The following SYT1 variants were observed in gnomAD, a reference collection of about 807,000 sequenced individuals.
SYT1 encodes synaptotagmin 1, also known as synaptotagmin-1.
In SYT1, 8 loss-of-function variants were observed where a neutral mutation model predicts 44.8. The observed-to-expected ratio is 0.18, with a 90% CI of 0.10 to 0.32. The LOEUF is 0.32. SYT1 is among the 10% of genes least tolerant of loss of function. SYT1 has a pLI of 1.00. For synonymous variants in SYT1, 154 were observed against 188.8 expected (o/e 0.82, Z 1.51); for missense variants, 286 against 509.3 (o/e 0.56, Z 4.22).
At chr12:78,944,473 T>C (rs1287715731) in intron 1 of SYT1, among the ~76,000 whole-genome samples, 2 of 152,114 alleles carry the variant, frequency 1.3e-5, no homozygotes, top group Admixed American at 6.6e-5. Context: ...TATTTGTAAG[T>C]GGACTTCATT....
chr12:79,231,704 T>G (rs949168379), intron 4 of SYT1, among the ~76,000 whole-genome samples: 1 of 152,152 alleles, frequency 6.6e-6, no homozygotes, highest in African/African-American at 2.4e-5. Context: ...AATTAATTAT[T>G]TAATGTAAAA....
intron 3 of SYT1, among the ~76,000 whole-genome samples, chr12:79,159,792 C>T (rs1017087790): frequency 2.0e-5 from 3 of 151,888 alleles, no homozygotes; most frequent in African/African-American, 7.3e-5. Flanking sequence ...TTTAAGAAAT[C>T]CTAAGAAAGA....
At chr12:78,953,223 A>G (rs2137303124) in intron 1 of SYT1, among the ~76,000 whole-genome samples, 1 of 152,162 alleles carries the variant, frequency 6.6e-6, no homozygotes, top group Non-Finnish European at 1.5e-5. Flanking sequence ...TTTTAACATT[A>G]AAGGATGAGA....
intron 3 of SYT1, among the ~76,000 whole-genome samples, chr12:79,053,056 A>G (rs1333543710): frequency 2.0e-5 from 3 of 152,128 alleles, no homozygotes; most frequent in African/African-American, 4.8e-5. Context: ...ACATGTGCAC[A>G]TGTATGTTTA....
chr12:79,353,307 G>T (rs1882984409), intron 8 of SYT1, among the ~76,000 whole-genome samples, 195 bp from the exon 9 acceptor site: 1 of 150,782 alleles, frequency 6.6e-6, no homozygotes, highest in Non-Finnish European at 1.5e-5. Flanking sequence ...GAAATAGATG[G>T]TCTTAAAAAA....
At chr12:79,323,533 A>G (rs1449855834) in intron 8 of SYT1, among the ~76,000 whole-genome samples, 2 of 152,238 alleles carry the variant, frequency 1.3e-5, no homozygotes, top group African/African-American at 4.8e-5. Context: ...CGAAAACGTC[A>G]GTCCAGAGAT....
intron 1 of SYT1, among the ~76,000 whole-genome samples, chr12:78,975,765 G>C (rs1455433641): frequency 6.6e-6 from 1 of 152,156 alleles, no homozygotes; most frequent in Non-Finnish European, 1.5e-5. Context: ...TCTGATTCTG[G>C]TGGCCATTCC....
At chr12:79,410,649 G>A (rs1256739814) in intron 9 of SYT1, among the ~76,000 whole-genome samples, 2 of 151,832 alleles carry the variant, frequency 1.3e-5, no homozygotes, top group Non-Finnish European at 2.9e-5. Context: ...GAAGGCCTCT[G>A]TATTTTAATA....
chr12:78,877,323 A>G (rs1874227641), intron 1 of SYT1, among the ~76,000 whole-genome samples: 2 of 151,624 alleles, frequency 1.3e-5, no homozygotes, highest in Non-Finnish European at 3.0e-5. Context: ...CTTATTCACT[A>G]TCATGAGAAC....
chr12:79,047,079 C>G (rs1046608327), intron 2 of SYT1, among the ~76,000 whole-genome samples: 6 of 151,718 alleles, frequency 4.0e-5, no homozygotes, highest in African/African-American at 1.4e-4. Flanking sequence ...TATAAACTAT[C>G]CACAGACTCT....
At chr12:79,329,499 T>C (rs1881760713) in intron 8 of SYT1, among the ~76,000 whole-genome samples, 1 of 152,240 alleles carries the variant, frequency 6.6e-6, no homozygotes, top group Non-Finnish European at 1.5e-5. Flanking sequence ...ATGGGAATGC[T>C]ACTGTACTTG....
chr12:79,258,408 G>T (rs1017332968), intron 4 of SYT1, among the ~76,000 whole-genome samples: 1 of 152,144 alleles, frequency 6.6e-6, no homozygotes, highest in Non-Finnish European at 1.5e-5. Flanking sequence ...TTCTTCCAAG[G>T]ATAGAGTGTG....
chr12:79,382,132 A>G (rs1415271254), intron 9 of SYT1, among the ~76,000 whole-genome samples: 1 of 152,170 alleles, frequency 6.6e-6, no homozygotes, highest in Non-Finnish European at 1.5e-5. Flanking sequence ...TACAGATGAA[A>G]ATGACACAGT....
intron 4 of SYT1, among the ~76,000 whole-genome samples, chr12:79,250,475 A>G (rs907045598): frequency 6.6e-5 from 10 of 152,154 alleles, no homozygotes; most frequent in African/African-American, 1.7e-4. Flanking sequence ...AAATATTTCA[A>G]ATTTGAGGGT....
At chr12:78,864,647 C>A (rs1213176986), upstream of SYT1, 3 of 152,316 alleles carry the variant, frequency 2.0e-5, no homozygotes, top group East Asian at 5.9e-4. Context: ...GGCTCCTTGG[C>A]GCAGCGTACC....
chr12:78,958,317 G>GT (rs139992453), intron 1 of SYT1, among the ~76,000 whole-genome samples: 2,042 of 150,894 alleles, frequency 0.014, 49 homozygotes, highest in African/African-American at 0.043. Context: ...TCCTTGCCAT[G>GT]TTTTTTTTTC....
At chr12:79,119,839 A>T (rs1879497767) in intron 3 of SYT1, among the ~76,000 whole-genome samples, 2 of 151,862 alleles carry the variant, frequency 1.3e-5, no homozygotes. Context: ...AAATAGCTTT[A>T]TTCTCCCCTT....
intron 1 of SYT1, among the ~76,000 whole-genome samples, chr12:78,902,611 CAGG>C (rs1031858944): frequency 2.5e-4 from 38 of 152,098 alleles, no homozygotes; most frequent in African/African-American, 8.4e-4. Context: ...ATATTTTTTC[CAGG>C]AGGTTTCTCA....
intron 3 of SYT1, among the ~76,000 whole-genome samples, chr12:79,183,308 C>T (rs373413496): frequency 2.6e-5 from 4 of 152,038 alleles, no homozygotes; most frequent in East Asian, 3.9e-4. Context: ...CAGTAAGTTG[C>T]GCAGACAGGA....
Sources: allele counts gnomAD v4.1 joint callset (sites outside exome capture counted in the v4.1 genomes callset), GRCh38; gene constraint gnomAD v4.1.1; transcripts MANE v1.5; gene names NCBI Gene and HGNC (gene_info 2026-07-23, HGNC 2026-07-21).